Variants in OPCML observed in about 807,000 individuals in gnomAD.
OPCML encodes the protein opioid binding protein/cell adhesion molecule like.
A neutral mutation model predicts 37.8 loss-of-function variants in OPCML; 13 were observed. The observed-to-expected ratio is 0.34, with a 90% CI of 0.22 to 0.55. The LOEUF (loss-of-function observed/expected upper bound fraction) is 0.55. Among genes scored for constraint, OPCML ranks in the 20% least tolerant of loss-of-function variants. The probability of loss-of-function intolerance (pLI) is 0.91; values close to 1 mark genes in which losing one functional copy is unlikely to be tolerated. For synonymous variants in OPCML, 176 were observed against 168.8 expected, an observed-to-expected ratio of 1.04 and a Z score of -0.33; for missense variants, 341 against 435.6, an observed-to-expected ratio of 0.78 and a Z score of 1.93.
chr11:133,290,360 C>T (rs1349072192), intron 1 of OPCML, among the ~76,000 whole-genome samples: 1 of 152,192 alleles, frequency 6.6e-6, no homozygotes, highest in African/African-American at 2.4e-5. Context: ...TTCAGATCAC[C>T]TCCTGGCCTG....
chr11:133,313,214 T>A (rs60011266), intron 1 of OPCML, among the ~76,000 whole-genome samples: 36 of 152,322 alleles, frequency 2.4e-4, no homozygotes, highest in Middle Eastern at 3.4e-3. Context: ...AGAACAAAGC[T>A]TAGCACATAA....
intron 2 of OPCML, among the ~76,000 whole-genome samples, chr11:132,735,640 C>T (rs930343296): frequency 6.6e-5 from 10 of 152,012 alleles, no homozygotes; most frequent in East Asian, 3.9e-4. Context: ...CCCACCACTA[C>T]GCCCGACTAA....
rs184556696 is a variant in OPCML, at chr11:133,048,073, T to G, written c.62-105063A>C. ...AGACACTCTCATCGGGCTTGAGGAA[T>G]CGGGTAAGACGCATGCATGGCTTCC... On this transcript the variant is annotated intron_variant, in intron 1 of 7. Coordinates refer to ENST00000524381, the MANE Select transcript of OPCML (RefSeq NM_001012393.5). Among the ~76,000 whole-genome samples, 572 of 152,208 alleles carry G rather than the reference T, an allele frequency of 3.8e-3. 2 individuals carry two copies. Among genetic ancestry groups the G allele is most frequent in the Non-Finnish European group, 5.6e-3 (384 of 68,010 alleles).
intron 2 of OPCML, among the ~76,000 whole-genome samples, chr11:132,794,107 T>C (rs933638927): frequency 1.3e-5 from 2 of 152,206 alleles, no homozygotes; most frequent in Non-Finnish European, 2.9e-5. Context: ...CCGTGTTGTT[T>C]CCAACCGCGT....
intron 1 of OPCML, among the ~76,000 whole-genome samples, chr11:133,278,560 T>G (rs3920986): frequency 0.34 from 52,125 of 151,632 alleles, 10,026 homozygotes; most frequent in East Asian, 0.73. Flanking sequence ...TGTCTATGGT[T>G]GGGGGAGTGG....
chr11:132,645,066 T>C (rs1447664344), intron 3 of OPCML, among the ~76,000 whole-genome samples: 7 of 152,224 alleles, frequency 4.6e-5, no homozygotes, highest in Admixed American at 2.6e-4. Context: ...TCCCTGCACT[T>C]CCAGCTCTGC....
At chr11:133,511,470 G>T (rs1948156562) in intron 1 of OPCML, among the ~76,000 whole-genome samples, 1 of 152,008 alleles carries the variant, frequency 6.6e-6, no homozygotes, top group Admixed American at 6.6e-5. Context: ...TGCTTACTCT[G>T]CTTGAGCCTC....
chr11:133,272,916 CT>C (rs1412801454), intron 1 of OPCML, among the ~76,000 whole-genome samples: 2 of 152,134 alleles, frequency 1.3e-5, no homozygotes, highest in Non-Finnish European at 2.9e-5. Flanking sequence ...GCTTTCACTC[CT>C]TGTTGGAAAA....
At chr11:132,861,030 T>C (rs999286442) in intron 2 of OPCML, among the ~76,000 whole-genome samples, 10 of 152,240 alleles carry the variant, frequency 6.6e-5, no homozygotes, top group Non-Finnish European at 1.0e-4. Context: ...CCAGGGACTT[T>C]TGCAGATATT....
intron 1 of OPCML, among the ~76,000 whole-genome samples, chr11:133,257,811 T>C (rs1312998314): frequency 6.6e-6 from 1 of 152,044 alleles, no homozygotes; most frequent in Non-Finnish European, 1.5e-5. Context: ...CCAGATGCCC[T>C]ATTCCTTCCT....
Position 132,919,862 on chromosome 11 carries a change from G to T in OPCML, c.146+23064C>A, listed in dbSNP as rs117822807. On this transcript the variant is annotated intron_variant, in intron 2 of 7. Transcript: ENST00000524381. Reference sequence around the variant, plus strand: ...TGACACAGGAAGTGAGTGAATGAAAGAATGGATAAATAAAAGACAAGTTAA... The same window carrying T: ...TGACACAGGAAGTGAGTGAATGAAATAATGGATAAATAAAAGACAAGTTAA... 1.3e-3 allele frequency among the ~76,000 whole-genome samples: 192 copies of T among 152,316 alleles called. 2 individuals are homozygous for T. In the East Asian group the frequency reaches 0.033, roughly 26 times the overall value.
chr11:133,016,608 A>G (rs1947340372), intron 1 of OPCML, among the ~76,000 whole-genome samples: 1 of 152,224 alleles, frequency 6.6e-6, no homozygotes, highest in Admixed American at 6.5e-5. Context: ...TAATATAATC[A>G]GAGTGATAGC....
At chr11:133,145,316 A>G (rs1471205644) in intron 1 of OPCML, among the ~76,000 whole-genome samples, 1 of 152,210 alleles carries the variant, frequency 6.6e-6, no homozygotes, top group Admixed American at 6.5e-5. Context: ...AATTTACTGA[A>G]GCTTTGCAAG....
chr11:133,034,751 C>CTTT (rs5795815), intron 1 of OPCML, among the ~76,000 whole-genome samples: 14,070 of 141,522 alleles, frequency 0.099, 1,076 homozygotes, highest in East Asian at 0.28. Flanking sequence ...GTTTTTTTTC[C>CTTT]TTTTTTTTTT....
intron 2 of OPCML, among the ~76,000 whole-genome samples, chr11:132,770,398 A>G (rs1946598151): frequency 6.6e-6 from 1 of 152,098 alleles, no homozygotes; most frequent in African/African-American, 2.4e-5. Flanking sequence ...GGGAGAGAGG[A>G]GGAAAGACAC....
At chr11:133,508,698 T>C (rs995455625) in intron 1 of OPCML, among the ~76,000 whole-genome samples, 5 of 152,164 alleles carry the variant, frequency 3.3e-5, no homozygotes, top group African/African-American at 1.2e-4. Flanking sequence ...CTGCCAAACG[T>C]CTTCTGCCCC....
At chr11:132,946,709 C>T (rs1945752044) in intron 1 of OPCML, among the ~76,000 whole-genome samples, 1 of 152,146 alleles carries the variant, frequency 6.6e-6, no homozygotes, top group South Asian at 2.1e-4. Context: ...CCATAAGCTC[C>T]CGAGGTACAA....
intron 3 of OPCML, among the ~76,000 whole-genome samples, chr11:132,530,052 T>C (rs1206022876): frequency 6.6e-6 from 1 of 152,180 alleles, no homozygotes; most frequent in Non-Finnish European, 1.5e-5. Flanking sequence ...ATGATAATGG[T>C]AGCTAAACTC....
intron 1 of OPCML, among the ~76,000 whole-genome samples, chr11:133,222,810 A>AG (rs534443285): frequency 4.9e-4 from 72 of 145,746 alleles, no homozygotes; most frequent in Non-Finnish European, 8.6e-4. Context: ...GGGGGAGCAA[A>AG]GGGGGGCCGA....
Sources: allele counts gnomAD v4.1 joint callset (sites outside exome capture counted in the v4.1 genomes callset), GRCh38; gene constraint gnomAD v4.1.1; transcripts MANE v1.5; gene names NCBI Gene and HGNC (gene_info 2026-07-23, HGNC 2026-07-21).